Variants in SLC30A9 observed in about 807,000 individuals in gnomAD.
The protein encoded by SLC30A9 is proton-coupled zinc antiporter SLC30A9, mitochondrial.
A neutral mutation model predicts 87.5 loss-of-function variants in SLC30A9; 58 were observed. The ratio of observed to expected loss-of-function variants is 0.66; its 90% CI spans 0.54 to 0.82. The LOEUF (loss-of-function observed/expected upper bound fraction) is 0.82. Ranked by LOEUF, SLC30A9 falls within the 40% of genes least tolerant of loss-of-function variation. SLC30A9 has a pLI of 0.00. For synonymous variants in SLC30A9, 234 were observed against 233.0 expected (o/e 1.00, Z -0.04); for missense variants, 557 against 679.1 (o/e 0.82, Z 2.00).
chr4:42,065,640 T>C (rs1394070734), intron 12 of SLC30A9, among the ~76,000 whole-genome samples: 3 of 152,374 alleles, frequency 2.0e-5, no homozygotes, highest in East Asian at 3.9e-4. Context: ...AGTAGGTGAC[T>C]ATCAGATAGA....
intron 9 of SLC30A9, among the ~76,000 whole-genome samples, chr4:42,055,766 G>A (rs376767250): frequency 7.9e-5 from 12 of 152,078 alleles, no homozygotes; most frequent in Admixed American, 3.3e-4. Context: ...GGTTATATGC[G>A]GTTATATGCA....
At chr4:42,019,073 C>T (rs1348465967) in intron 3 of SLC30A9, among the ~76,000 whole-genome samples, 2 of 151,226 alleles carry the variant, frequency 1.3e-5, no homozygotes, top group African/African-American at 4.9e-5. Flanking sequence ...ATTCTTATTA[C>T]ATAATATTTG....
chr4:42,053,039 C>T (rs1204851512), intron 9 of SLC30A9, among the ~76,000 whole-genome samples: 2 of 151,816 alleles, frequency 1.3e-5, no homozygotes, highest in Non-Finnish European at 2.9e-5. Flanking sequence ...CCAGTTTTTT[C>T]CCCCCAAGGA....
At chr4:41,994,051 G>A (rs1714578953) in intron 1 of SLC30A9, among the ~76,000 whole-genome samples, 1 of 152,110 alleles carries the variant, frequency 6.6e-6, no homozygotes, top group African/African-American at 2.4e-5. Flanking sequence ...CAGCTACTTG[G>A]GAGACTGAGG....
intron 1 of SLC30A9, among the ~76,000 whole-genome samples, chr4:41,994,122 A>T (rs1714583944): frequency 6.6e-6 from 1 of 151,880 alleles, no homozygotes; most frequent in African/African-American, 2.4e-5. Flanking sequence ...GCGCCACTGC[A>T]CTCCAGCCTG....
intron 2 of SLC30A9, among the ~76,000 whole-genome samples, chr4:42,006,825 A>G (rs897801570): frequency 3.3e-5 from 5 of 152,074 alleles, no homozygotes; most frequent in Admixed American, 6.6e-5. Flanking sequence ...TCCAGCTTCC[A>G]TATTCCTTTT....
chr4:42,085,449 G>T (rs1718892161), intron 17 of SLC30A9, among the ~76,000 whole-genome samples: 1 of 152,206 alleles, frequency 6.6e-6, no homozygotes, highest in East Asian at 1.9e-4. Flanking sequence ...GTATAAGATG[G>T]AAATAGTAAT....
intron 15 of SLC30A9, among the ~76,000 whole-genome samples, chr4:42,074,697 T>C (rs1718451125): frequency 6.6e-6 from 1 of 152,088 alleles, no homozygotes; most frequent in Non-Finnish European, 1.5e-5. Context: ...TGTCACCCTA[T>C]CCACTTATGA....
Position 42,086,398 on chromosome 4 carries a change from A to G in SLC30A9, c.*272A>G, listed in dbSNP as rs1351424709. On this transcript the variant is annotated 3_prime_UTR_variant, in exon 18 of 18. Transcript: ENST00000264451. ...AACATTTTGGTTATTTAAATTGTTCATAATGTCCCATATTTCACCTGTTCA... is the reference window on the plus strand; with the variant it reads ...AACATTTTGGTTATTTAAATTGTTCGTAATGTCCCATATTTCACCTGTTCA... 2 of 293,516 alleles carry G rather than the reference A, an allele frequency of 6.8e-6. No individual in the cohort carries two copies. The highest frequency in any genetic ancestry group is 1.3e-5 in the Non-Finnish European group (2 of 159,784). The allele number at this position is 293,516 out of a possible 1,614,324, so 18.2% of individuals were successfully genotyped here. A position where few individuals can be genotyped will look rare whatever the true frequency, so the allele number is the denominator to read the frequency against.
At chr4:42,038,417 T>A (rs1577700909) in intron 7 of SLC30A9, among the ~76,000 whole-genome samples, 1 of 152,196 alleles carries the variant, frequency 6.6e-6, no homozygotes, top group Non-Finnish European at 1.5e-5. Flanking sequence ...ATTGTTCCCA[T>A]AATAATTTCA....
chr4:42,026,466 T>C (rs538709958), intron 6 of SLC30A9, among the ~76,000 whole-genome samples: 1 of 152,356 alleles, frequency 6.6e-6, no homozygotes, highest in African/African-American at 2.4e-5. Flanking sequence ...TCTTTGATAA[T>C]CAGGCTGACT....
chr4:42,062,325 T>C (rs1296246230), intron 10 of SLC30A9, among the ~76,000 whole-genome samples: 1 of 152,236 alleles, frequency 6.6e-6, no homozygotes, highest in African/African-American at 2.4e-5. Context: ...TAGTATGTTA[T>C]TAATATATTT....
chr4:42,039,320 T>A (rs1716818258), intron 8 of SLC30A9, among the ~76,000 whole-genome samples: 1 of 152,198 alleles, frequency 6.6e-6, no homozygotes, highest in South Asian at 2.1e-4. Context: ...TTTCTTGTTT[T>A]TATTGGAGTT....
chr4:42,082,969 A>G lies in SLC30A9; in HGVS notation c.1663-3113A>G, dbSNP rs149306492. Among the ~76,000 whole-genome samples, 1,510 of 152,230 alleles carry G rather than the reference A, an allele frequency of 9.9e-3. 8 individuals are homozygous for G. Among genetic ancestry groups the G allele is most frequent in the Non-Finnish European group, 0.014 (965 of 68,006 alleles). ...AGGAACTACAAAATTAATATAAAAT[A>G]TATCTTGTTATTATTTTGAAGTTCT... On this transcript the variant is annotated intron_variant, in intron 17 of 17. Coordinates refer to ENST00000264451, the MANE Select transcript of SLC30A9 (RefSeq NM_006345.4).
At chr4:42,079,637 TCG>T in intron 17 of SLC30A9, among the ~76,000 whole-genome samples, 1 of 148,452 alleles carries the variant, frequency 6.7e-6, no homozygotes, top group Middle Eastern at 3.8e-3. Flanking sequence ...AGACGGAGTC[TCG>T]CACTGTCACC....
intron 17 of SLC30A9, among the ~76,000 whole-genome samples, chr4:42,081,945 C>T (rs1006103430): frequency 1.3e-5 from 2 of 152,132 alleles, no homozygotes; most frequent in Non-Finnish European, 2.9e-5. Flanking sequence ...CGGGCGCGTG[C>T]GGTTGCTCAT....
chr4:42,014,129 A>G (rs988088367), intron 2 of SLC30A9, among the ~76,000 whole-genome samples: 1 of 152,230 alleles, frequency 6.6e-6, no homozygotes, highest in African/African-American at 2.4e-5. Context: ...TGTATGAAAA[A>G]GTGCTTAACA....
At chr4:42,076,760 G>A (rs1458351179) in intron 16 of SLC30A9, among the ~76,000 whole-genome samples, 3 of 151,414 alleles carry the variant, frequency 2.0e-5, no homozygotes, top group Admixed American at 6.6e-5. Context: ...TCAAGAGATC[G>A]ATCCCATCCT....
Position 41,996,056 on chromosome 4 carries a change from G to A in SLC30A9, c.109+5296G>A, listed in dbSNP as rs929947949. Among the ~76,000 whole-genome samples the A allele has an allele frequency of 3.3e-5, 5 of 151,850 alleles. No individual in the cohort carries two copies. The South Asian group carries it at 1.0e-3, about 32-fold the overall frequency. Reference sequence around the variant, plus strand: ...CAGAAAGAAACCTGTTGTGTCTAGGGTATGGTGGGGTGGTATGAAAATAAA... The same window carrying A: ...CAGAAAGAAACCTGTTGTGTCTAGGATATGGTGGGGTGGTATGAAAATAAA... On this transcript the variant is annotated intron_variant, in intron 1 of 17. Coordinates refer to ENST00000264451, the MANE Select transcript of SLC30A9 (RefSeq NM_006345.4).
Sources: gnomAD v4.1 joint callset for allele counts (sites outside exome capture counted in the v4.1 genomes callset) on GRCh38, gnomAD v4.1.1 for gene constraint, MANE v1.5 for transcripts, NCBI Gene and HGNC (gene_info 2026-07-23, HGNC 2026-07-21) for gene names.